The following SPRED1 variants were observed in gnomAD, a reference collection of about 807,000 sequenced individuals.
SPRED1 encodes sprouty related EVH1 domain containing 1.
SPRED1 carries 18 observed loss-of-function variants against 52.3 expected under a neutral mutation model. That is an observed-to-expected ratio of 0.34 (90% CI 0.24 to 0.51). The LOEUF is 0.51. SPRED1 is among the 20% of genes least tolerant of loss of function. The pLI is 0.97. For synonymous variants in SPRED1, 155 were observed against 179.7 expected, an observed-to-expected ratio of 0.86 and a Z score of 1.10; for missense variants, 485 against 551.0, an observed-to-expected ratio of 0.88 and a Z score of 1.20.
chr15:38,331,021 G>A (rs1360834657), intron 4 of SPRED1, among the ~76,000 whole-genome samples: 1 of 151,986 alleles, frequency 6.6e-6, no homozygotes, highest in Non-Finnish European at 1.5e-5. Flanking sequence ...AGCTACAGCT[G>A]GAATTATTTT....
At position 38,352,187 on chromosome 15, in the gene SPRED1, A is replaced by G. The variant is rs1888504884; in HGVS notation, c.*523A>G. ...CAAATGTTTATATTTAACTAAATGT[A>G]AGGTACGAATTATTACATATTAAAC... On this transcript the variant is annotated 3_prime_UTR_variant, in exon 7 of 7. Transcript: ENST00000299084. The G allele has an allele frequency of 6.2e-6, 1 of 160,462 alleles. No homozygotes were observed. Among genetic ancestry groups the G allele is most frequent in the Non-Finnish European group, 1.4e-5 (1 of 73,168 alleles). 9.9% of individuals were successfully genotyped at this position (160,462 alleles called of 1,614,324 possible). A position where few individuals can be genotyped will look rare whatever the true frequency, so the allele number is the denominator to read the frequency against.
chr15:38,303,506 G>A (rs1316782032), intron 2 of SPRED1, among the ~76,000 whole-genome samples: 1 of 152,032 alleles, frequency 6.6e-6, no homozygotes, highest in African/African-American at 2.4e-5. Flanking sequence ...CTGATACATG[G>A]TATGTGACAT....
chr15:38,336,380 A>ATG (rs35912838), intron 4 of SPRED1, among the ~76,000 whole-genome samples: 1,456 of 134,288 alleles, frequency 0.011, 10 homozygotes, highest in African/African-American at 0.032. Context: ...GATAAAGAAA[A>ATG]TGTGTGTGTG....
At chr15:38,322,612 A>G (rs982238850) in intron 3 of SPRED1, among the ~76,000 whole-genome samples, 9 of 152,184 alleles carry the variant, frequency 5.9e-5, no homozygotes, top group Non-Finnish European at 8.8e-5. Context: ...ATCATAGTCT[A>G]TGTCAATTGC....
chr15:38,291,527 G>A (rs1894924215), intron 1 of SPRED1, among the ~76,000 whole-genome samples: 1 of 152,226 alleles, frequency 6.6e-6, no homozygotes, highest in African/African-American at 2.4e-5. Context: ...TGAGGGCCCT[G>A]CCCCTGAAGC....
intron 2 of SPRED1, among the ~76,000 whole-genome samples, chr15:38,321,249 T>C (rs898946118): frequency 6.6e-6 from 1 of 152,198 alleles, no homozygotes; most frequent in African/African-American, 2.4e-5. Context: ...TAAATCTGGA[T>C]AAAGGGAAAA....
intron 4 of SPRED1, among the ~76,000 whole-genome samples, chr15:38,338,797 A>G (rs1197127363): frequency 6.6e-6 from 1 of 152,152 alleles, no homozygotes; most frequent in African/African-American, 2.4e-5. Context: ...GAACAAATCT[A>G]GAACTTGCAT....
At chr15:38,280,293 C>G (rs1894658761) in intron 1 of SPRED1, among the ~76,000 whole-genome samples, 2 of 152,084 alleles carry the variant, frequency 1.3e-5, no homozygotes, top group Non-Finnish European at 2.9e-5. Flanking sequence ...TTGTCAGAAT[C>G]TCTTCATGAA....
chr15:38,287,338 C>T (rs1002764467), intron 1 of SPRED1, among the ~76,000 whole-genome samples: 2 of 152,134 alleles, frequency 1.3e-5, no homozygotes, highest in African/African-American at 4.8e-5. Flanking sequence ...ATTGCTGACT[C>T]CCTTTCCCCC....
At chr15:38,326,742 C>A (rs1294998705) in intron 4 of SPRED1, among the ~76,000 whole-genome samples, 1 of 152,052 alleles carries the variant, frequency 6.6e-6, no homozygotes, top group African/African-American at 2.4e-5. Flanking sequence ...TGAAGAGGGG[C>A]CCTTTGGATC....
intron 1 of SPRED1, among the ~76,000 whole-genome samples, chr15:38,256,272 G>C (rs1298267506): frequency 6.6e-6 from 1 of 152,090 alleles, no homozygotes; most frequent in Non-Finnish European, 1.5e-5. Context: ...ATACATGTTT[G>C]TTTTGTAGGT....
intron 5 of SPRED1, among the ~76,000 whole-genome samples, chr15:38,343,156 A>G (rs1401739428): frequency 6.6e-6 from 1 of 152,096 alleles, no homozygotes; most frequent in African/African-American, 2.4e-5. Context: ...ATAAAATTCA[A>G]ATTCATCTCT....
chr15:38,317,760 G>A (rs186264183), intron 2 of SPRED1, among the ~76,000 whole-genome samples: 1 of 149,506 alleles, frequency 6.7e-6, no homozygotes, highest in East Asian at 2.0e-4. Context: ...CTCATCAGAT[G>A]ATGAGTAAAC....
intron 1 of SPRED1, among the ~76,000 whole-genome samples, chr15:38,272,276 G>GTTTTTTTT (rs1555387949): frequency 0.19 from 24,464 of 131,122 alleles, 3,150 homozygotes; most frequent in South Asian, 0.24. Context: ...CGAATGCTAG[G>GTTTTTTTT]TTTTTTTTTT....
At chr15:38,291,313 C>T (rs1894918407) in intron 1 of SPRED1, among the ~76,000 whole-genome samples, 2 of 152,192 alleles carry the variant, frequency 1.3e-5, no homozygotes, top group Non-Finnish European at 2.9e-5. Context: ...ACAGCCTCCT[C>T]CTGGCTGCTT....
At chr15:38,299,653 T>A in intron 2 of SPRED1, 106 bp downstream of exon 2, 1 of 1,160,766 alleles carries the variant, frequency 8.6e-7, no homozygotes, top group Non-Finnish European at 1.3e-6. Flanking sequence ...AATCAGTAAT[T>A]ATGTTTCTGG....
chr15:38,350,959 A>G (rs2141015922), intron 6 of SPRED1, 55 bp from the exon 7 acceptor site: 1 of 1,529,232 alleles, frequency 6.5e-7, no homozygotes, highest in Non-Finnish European at 8.9e-7. Context: ...CCAAGGTGAC[A>G]CGTAAAATTA....
In SPRED1 at chr15:38,344,108, T is replaced by C. The variant is rs1001797693; in HGVS notation, c.582+4213T>C. Among the ~76,000 whole-genome samples, 9 of 152,312 alleles carry C rather than the reference T, an allele frequency of 5.9e-5. No individual in the cohort carries two copies. In the East Asian group the frequency reaches 1.7e-3, roughly 29 times the overall value. On this transcript the variant is annotated intron_variant, in intron 5 of 6. Coordinates refer to ENST00000299084, the MANE Select transcript of SPRED1 (RefSeq NM_152594.3). ...ATACTTGCTTATAAACTTCCAGGCA[T>C]CCTGTGAGACATTTGAATCTGGAGA...
chr15:38,276,429 A>G (rs1180427786), intron 1 of SPRED1, among the ~76,000 whole-genome samples: 2 of 152,164 alleles, frequency 1.3e-5, no homozygotes, highest in African/African-American at 4.8e-5. Flanking sequence ...GTAATACTAT[A>G]CACCCGTTAA....
Sources: gnomAD v4.1 joint callset for allele counts (sites outside exome capture counted in the v4.1 genomes callset) on GRCh38, gnomAD v4.1.1 for gene constraint, MANE v1.5 for transcripts, NCBI Gene and HGNC (gene_info 2026-07-23, HGNC 2026-07-21) for gene names.